The following MINDY4 variants were observed in gnomAD, a reference collection of about 807,000 sequenced individuals.
MINDY4 encodes the protein probable ubiquitin carboxyl-terminal hydrolase MINDY-4.
MINDY4 carries 68 observed loss-of-function variants against 87.0 expected under a neutral mutation model. The observed-to-expected ratio is 0.78, with a 90% confidence interval of 0.64 to 0.96. MINDY4 has a LOEUF of 0.96. MINDY4 is among the 40% of genes least tolerant of loss of function. MINDY4 has a pLI of 0.00. For missense variants in MINDY4, 919 were observed against 928.2 expected (o/e 0.99, Z 0.13); for synonymous variants, 379 against 363.2 (o/e 1.04, Z -0.50).
intron 5 of MINDY4, among the ~76,000 whole-genome samples, chr7:30,816,675 T>C (rs1035385398): frequency 7.0e-6 from 1 of 142,286 alleles, no homozygotes; most frequent in Admixed American, 6.9e-5. Flanking sequence ...TTTGTCATCA[T>C]GGACCCAGAT....
intron 5 of MINDY4, among the ~76,000 whole-genome samples, chr7:30,798,397 G>T (rs1019827165): frequency 6.6e-6 from 1 of 152,178 alleles, no homozygotes; most frequent in Non-Finnish European, 1.5e-5. Context: ...CTGAACAACT[G>T]TAAGAGGGGG....
intron 5 of MINDY4, among the ~76,000 whole-genome samples, chr7:30,794,655 C>T (rs1212246650): frequency 2.0e-5 from 3 of 152,118 alleles, no homozygotes; most frequent in Non-Finnish European, 4.4e-5. Context: ...TTTTGTTTTT[C>T]TTCTGTGCCC....
At chr7:30,855,448 T>C (rs1307446464) in intron 12 of MINDY4, among the ~76,000 whole-genome samples, 1 of 152,160 alleles carries the variant, frequency 6.6e-6, no homozygotes, top group Non-Finnish European at 1.5e-5. Flanking sequence ...TGGCCAGGAA[T>C]GGGATCACCT....
chr7:30,789,278 C>A (rs1202323506), intron 4 of MINDY4, among the ~76,000 whole-genome samples: 1 of 152,134 alleles, frequency 6.6e-6, no homozygotes, highest in Non-Finnish European at 1.5e-5. Context: ...ATGGCTTGGA[C>A]CTGCTTCACT....
At chr7:30,847,671 A>G (rs1789264547) in intron 9 of MINDY4, among the ~76,000 whole-genome samples, 1 of 152,238 alleles carries the variant, frequency 6.6e-6, no homozygotes, top group South Asian at 2.1e-4. Context: ...GAAAGAGTTT[A>G]TAACAGTGTC....
In MINDY4 at chr7:30,782,145, A is replaced by G. The variant is rs146186301; in HGVS notation, c.352A>G (p.Asn118Asp). The change falls in exon 3 of 18, where the codon AAT becomes GAT. Residue 118 changes from asparagine (N) to aspartate (D), a missense_variant. Coordinates refer to ENST00000265299, the MANE Select transcript of MINDY4 (RefSeq NM_032222.3). ...PSRCSETTLV[N>D]IYDLSDEDAG... ...AAGATGCTCAGAGACTACACTGGTA[A>G]ATATATATGACCTTTCAGATGAAGA... 6.2e-7 allele frequency: 1 copy of G among 1,614,128 alleles called. No homozygotes were observed. Among genetic ancestry groups the G allele is most frequent in the East Asian group, 2.2e-5 (1 of 44,868 alleles).
At chr7:30,871,773 T>G (rs1467690069) in intron 13 of MINDY4, among the ~76,000 whole-genome samples, 1 of 152,154 alleles carries the variant, frequency 6.6e-6, no homozygotes, top group Non-Finnish European at 1.5e-5. Flanking sequence ...CAGGAGCAGG[T>G]GGTGGTGACT....
At chr7:30,780,004 A>C (rs1786958804) in intron 2 of MINDY4, 1 of 152,232 alleles carries the variant, frequency 6.6e-6, no homozygotes, top group African/African-American at 2.4e-5. Flanking sequence ...ACTGGCACCT[A>C]CAGGAGCACT....
At chr7:30,836,576 A>G (rs911814982) in intron 6 of MINDY4, 82 bp from the exon 7 acceptor site, 10 of 1,086,038 alleles carry the variant, frequency 9.2e-6, no homozygotes, top group South Asian at 1.4e-5. Flanking sequence ...AAACTTAGCA[A>G]TGTCTGTGGT....
intron 9 of MINDY4, 121 bp from the exon 10 acceptor site, chr7:30,850,333 T>C (rs1163193138): frequency 8.7e-6 from 8 of 918,394 alleles, no homozygotes; most frequent in East Asian, 2.7e-5. Context: ...GTGGCCCCTC[T>C]GCAGGCCAGA....
chr7:30,804,339 G>A (rs995642382), intron 5 of MINDY4, among the ~76,000 whole-genome samples: 1 of 152,158 alleles, frequency 6.6e-6, no homozygotes. Flanking sequence ...GTGGTCATAG[G>A]TCCCTCAGAA....
intron 15 of MINDY4, among the ~76,000 whole-genome samples, chr7:30,876,189 T>TG (rs1790252639): frequency 6.6e-6 from 1 of 152,106 alleles, no homozygotes; most frequent in South Asian, 2.1e-4. Context: ...TGGCAATCCT[T>TG]GGCATTCCTC....
chr7:30,888,950 G>A (rs994503642), intron 17 of MINDY4, among the ~76,000 whole-genome samples: 1 of 152,160 alleles, frequency 6.6e-6, no homozygotes, highest in Non-Finnish European at 1.5e-5. Context: ...GAAGCAGCTT[G>A]CCAGGATTCA....
rs779662176 is a variant in MINDY4 at position 30,872,220 on chromosome 7, A to G, written c.1746-23A>G. ...ACCTGGGTCAGGCAGAGCTGTGCTA[A>G]CAATGCTTCTTGTGTTTTCCAGCAT... is the stretch of plus-strand genomic sequence containing the variant. On this transcript the variant is annotated intron_variant, in intron 13 of 17. Transcript: ENST00000265299. 2.5e-6 allele frequency: 4 copies of G among 1,613,828 alleles called. No homozygotes were observed. The East Asian group carries it at 8.9e-5, about 36-fold the overall frequency.
chr7:30,832,288 C>T (rs904900809), intron 6 of MINDY4, among the ~76,000 whole-genome samples: 1 of 152,238 alleles, frequency 6.6e-6, no homozygotes, highest in African/African-American at 2.4e-5. Flanking sequence ...AATACTGTCA[C>T]TTTGTGCCTC....
chr7:30,820,190 C>T (rs920332352), intron 5 of MINDY4, among the ~76,000 whole-genome samples: 3 of 151,944 alleles, frequency 2.0e-5, no homozygotes, highest in African/African-American at 7.2e-5. Flanking sequence ...CGTGAGCCAC[C>T]GCGCCCGGCC....
Position 30,892,137 on chromosome 7 carries a change from G to GC in MINDY4, c.*132_*133insC. 1.1e-6 allele frequency: 1 copy of GC among 932,946 alleles called. No homozygotes were observed. Among genetic ancestry groups the GC allele is most frequent in the Non-Finnish European group, 1.7e-6 (1 of 584,292 alleles). 57.8% of individuals were successfully genotyped at this position (932,946 alleles called of 1,614,324 possible). A position where few individuals can be genotyped will look rare whatever the true frequency, so the allele number is the denominator to read the frequency against. ...GTCAGCATGACTGCAGAAGCATCCA[G>GC]AGCCTCCCTGCCCCTTCCATGAAGG... On this transcript the variant is annotated 3_prime_UTR_variant, in exon 18 of 18. Coordinates refer to ENST00000265299, the MANE Select transcript of MINDY4 (RefSeq NM_032222.3).
intron 5 of MINDY4, among the ~76,000 whole-genome samples, chr7:30,816,823 T>C (rs1233445746): frequency 4.6e-5 from 7 of 152,206 alleles, no homozygotes; most frequent in Non-Finnish European, 8.8e-5. Context: ...ACAGGAAATG[T>C]CAGGCCAGCA....
Position 30,840,851 on chromosome 7 carries a change from A to C in MINDY4, c.1445+3A>C. 6.2e-7 allele frequency: 1 copy of C among 1,612,994 alleles called. No individual in the cohort carries two copies. The highest frequency in any genetic ancestry group is 8.5e-7 in the Non-Finnish European group (1 of 1,179,128). On this transcript the variant is annotated splice_donor_region_variant and intron_variant, in intron 9 of 17. Transcript: ENST00000265299. ...GATAGCAAAGCCGACTGTGCTCAGT[A>C]AGTCAGTGCTCTTTCTGGCAATATC...
Sources: gnomAD v4.1 joint callset for allele counts (sites outside exome capture counted in the v4.1 genomes callset) on GRCh38, gnomAD v4.1.1 for gene constraint, MANE v1.5 for transcripts, NCBI Gene and HGNC (gene_info 2026-07-23, HGNC 2026-07-21) for gene names.